PTPRZ1: variants seen among roughly 807,000 people sequenced by gnomAD.
The protein encoded by PTPRZ1 is receptor-type tyrosine-protein phosphatase zeta.
A neutral mutation model predicts 214.1 loss-of-function variants in PTPRZ1; 82 were observed. The observed-to-expected ratio is 0.38, with a 90% CI of 0.32 to 0.46. The LOEUF (loss-of-function observed/expected upper bound fraction) is 0.46. Ranked by LOEUF, PTPRZ1 falls within the 20% of genes least tolerant of loss-of-function variation. PTPRZ1 has a pLI of 1.00. For synonymous variants in PTPRZ1, 945 were observed against 987.9 expected (o/e 0.96, Z 0.81); for missense variants, 2,603 against 2,748.7 (o/e 0.95, Z 1.19).
At chr7:122,031,843 C>T (rs1180265357) in intron 15 of PTPRZ1, 1 of 178,196 alleles carries the variant, frequency 5.6e-6, no homozygotes, top group African/African-American at 2.4e-5. Context: ...TTTTTAAAAT[C>T]TGAATTAATA....
At chr7:122,046,059 A>T (rs112229064) in intron 23 of PTPRZ1, among the ~76,000 whole-genome samples, 3,908 of 152,308 alleles carry the variant, frequency 0.026, 61 homozygotes, top group African/African-American at 0.044. Flanking sequence ...GGCGCAAACA[A>T]GAATTTGTAA....
intron 3 of PTPRZ1, among the ~76,000 whole-genome samples, chr7:121,970,371 C>T (rs1427136643): frequency 1.3e-5 from 2 of 152,158 alleles, no homozygotes; most frequent in Admixed American, 6.5e-5. Context: ...TCTGAGGAAT[C>T]GCCACACTGT....
At chr7:122,008,046 T>C (rs2116645999) in intron 11 of PTPRZ1, among the ~76,000 whole-genome samples, 1 of 152,116 alleles carries the variant, frequency 6.6e-6, no homozygotes, top group Non-Finnish European at 1.5e-5. Context: ...ATGTATCTGA[T>C]GTGTGCATAG....
At chr7:121,930,667 A>T (rs1161630493) in intron 2 of PTPRZ1, among the ~76,000 whole-genome samples, 2 of 151,832 alleles carry the variant, frequency 1.3e-5, no homozygotes, top group Admixed American at 1.3e-4. Context: ...TTACCTACAA[A>T]TTTTTCTATT....
intron 13 of PTPRZ1, among the ~76,000 whole-genome samples, chr7:122,024,068 G>A (rs867233361): frequency 1.3e-5 from 2 of 151,574 alleles, no homozygotes; most frequent in Admixed American, 6.6e-5. Flanking sequence ...GCACATAGAC[G>A]TGAAGACATT....
At chr7:121,919,097 T>G (rs1795514850) in intron 1 of PTPRZ1, among the ~76,000 whole-genome samples, 1 of 152,084 alleles carries the variant, frequency 6.6e-6, no homozygotes. Context: ...AGGATCTTGA[T>G]AACCCTTGTC....
At chr7:121,961,387 C>T (rs878986570) in intron 2 of PTPRZ1, among the ~76,000 whole-genome samples, 5 of 152,250 alleles carry the variant, frequency 3.3e-5, no homozygotes, top group Admixed American at 3.3e-4. Flanking sequence ...TGCTCAGGCT[C>T]ATCATTCAGC....
Position 122,011,699 on chromosome 7 carries a change from G to C in PTPRZ1, c.2653G>C (p.Ala885Pro). The change falls in exon 12 of 30, where the codon GCT becomes CCT. Residue 885 changes from alanine to proline, a missense_variant. Ala to Pro is a conservative substitution (Grantham distance 27). Coordinates refer to ENST00000393386, the MANE Select transcript of PTPRZ1 (RefSeq NM_002851.3). ...TTCTGATGTGCTGTCCACTACTCAT[G>C]CTGCTTCAGAGACGCTGGAATTTGG... ...QYSDVLSTTHAASETLEFGSE... is the reference protein window; with the variant it reads ...QYSDVLSTTHPASETLEFGSE... The C allele has an allele frequency of 6.2e-7, 1 of 1,614,088 alleles. No individual in the cohort carries two copies.
At chr7:121,942,676 C>T (rs1796265989) in intron 2 of PTPRZ1, among the ~76,000 whole-genome samples, 1 of 152,154 alleles carries the variant, frequency 6.6e-6, no homozygotes, top group African/African-American at 2.4e-5. Context: ...TAGTAGAAAG[C>T]TAATTTTGGC....
chr7:121,909,018 T>C, intron 1 of PTPRZ1: 1 of 498,508 alleles, frequency 2.0e-6, no homozygotes, highest in South Asian at 1.5e-5. Context: ...ATGTATTAGA[T>C]ATATGTGCTA....
chr7:121,952,019 C>T (rs1393426583), intron 2 of PTPRZ1, among the ~76,000 whole-genome samples: 14 of 150,616 alleles, frequency 9.3e-5, no homozygotes, highest in Non-Finnish European at 8.8e-5. Context: ...AGTGCAGTGA[C>T]GCGATCTCGG....
intron 28 of PTPRZ1, 136 bp downstream of exon 28, chr7:122,059,078 A>G (rs145120457): frequency 0.017 from 15,482 of 890,950 alleles, 204 homozygotes; most frequent in Middle Eastern, 0.022. Flanking sequence ...GCATCTTATC[A>G]ATAAAGTTAA....
At chr7:121,976,450 G>A (rs1797437113) in intron 5 of PTPRZ1, among the ~76,000 whole-genome samples, 182 bp downstream of exon 5, 1 of 152,102 alleles carries the variant, frequency 6.6e-6, no homozygotes, top group South Asian at 2.1e-4. Flanking sequence ...TCTTGTGTTT[G>A]TTAATTGGGT....
Position 121,876,592 on chromosome 7 carries a change from A to G in PTPRZ1, c.58+3035A>G, listed in dbSNP as rs150851858. ...TTGTGACTCTCAGTTTGATCTATTT[A>G]TCCTCTGAAAACAAATTGTAACCAC... On this transcript the variant is annotated intron_variant, in intron 1 of 29. Transcript: ENST00000393386. 3.3e-3 allele frequency among the ~76,000 whole-genome samples: 500 copies of G among 152,294 alleles called. 4 individuals are homozygous for G. The highest frequency in any genetic ancestry group is 0.011 in the African/African-American group (475 of 41,570).
At position 121,995,970 on chromosome 7, in the gene PTPRZ1, T is replaced by A. The variant is rs562645919; in HGVS notation, c.929-412T>A. 2.0e-4 allele frequency among the ~76,000 whole-genome samples: 30 copies of A among 152,344 alleles called. No individual in the cohort carries two copies. In the East Asian group the frequency reaches 5.4e-3, roughly 27 times the overall value. The stretch of plus-strand genomic sequence containing the variant: ...ATTCAAAACAATGTTCTAGGCAATA[T>A]AGAACTACAGAGCTATGGTTCTTAT... On this transcript the variant is annotated intron_variant, in intron 8 of 29. Coordinates refer to ENST00000393386, the MANE Select transcript of PTPRZ1 (RefSeq NM_002851.3).
chr7:122,014,106 C>G, intron 12 of PTPRZ1, among the ~76,000 whole-genome samples: 1 of 152,082 alleles, frequency 6.6e-6, no homozygotes. Flanking sequence ...TTAATTCTCT[C>G]CAAAATAGAC....
At chr7:121,905,043 C>T (rs752879021) in intron 1 of PTPRZ1, among the ~76,000 whole-genome samples, 4 of 152,152 alleles carry the variant, frequency 2.6e-5, no homozygotes, top group African/African-American at 9.7e-5. Flanking sequence ...TGTAGATTTA[C>T]GTCTGCTTTT....
At position 122,011,175 on chromosome 7, in the gene PTPRZ1, T is replaced by G. The variant is rs766801174; in HGVS notation, c.2129T>G (p.Met710Arg). The G allele has an allele frequency of 1.9e-6, 3 of 1,614,008 alleles. No individual in the cohort carries two copies. In the African/African-American group the frequency reaches 4.0e-5, roughly 22 times the overall value. The change falls in exon 12 of 30, where the codon ATG becomes AGG. Residue 710 changes from methionine (M) to arginine (R), a missense_variant. Around this residue, in one of 6 missense-constraint regions of PTPRZ1, gnomAD observed 1,913 missense variants for 1,914.3 expected, o/e 1.00. Coordinates refer to ENST00000393386, the MANE Select transcript of PTPRZ1 (RefSeq NM_002851.3). ...SQGPSVTDLE[M>R]PHYSTFAYFP... ...GGTCCCTCAGTTACAGATCTGGAAATGCCACATTATTCTACCTTTGCCTAC... is the reference window on the plus strand; with the variant it reads ...GGTCCCTCAGTTACAGATCTGGAAAGGCCACATTATTCTACCTTTGCCTAC...
At chr7:121,889,217 G>A (rs999173747) in intron 1 of PTPRZ1, among the ~76,000 whole-genome samples, 11 of 152,052 alleles carry the variant, frequency 7.2e-5, no homozygotes, top group Non-Finnish European at 1.5e-4. Flanking sequence ...CTTTGGAGAC[G>A]GTATTAGTCA....
Sources: allele counts gnomAD v4.1 joint callset (sites outside exome capture counted in the v4.1 genomes callset), GRCh38; gene constraint gnomAD v4.1.1; regional missense constraint gnomAD v4.1.1; transcripts MANE v1.5; gene names NCBI Gene and HGNC (gene_info 2026-07-23, HGNC 2026-07-21).